TRAPPC3L: variants seen among roughly 807,000 people sequenced by gnomAD.
TRAPPC3L encodes trafficking protein particle complex subunit 3L.
In TRAPPC3L, 23 loss-of-function variants were observed where a neutral mutation model predicts 23.7. The ratio of observed to expected loss-of-function variants is 0.97; its 90% CI spans 0.70 to 1.37. The LOEUF (loss-of-function observed/expected upper bound fraction) is 1.37, where lower values mean the gene tolerates loss of function less well. TRAPPC3L is among the 40% of genes most tolerant of loss of function. The pLI, the probability that TRAPPC3L is intolerant of heterozygous loss-of-function variation, is 0.00. For missense variants in TRAPPC3L, 212 were observed against 216.8 expected, an observed-to-expected ratio of 0.98 and a Z score of 0.14; for synonymous variants, 81 against 77.9, an observed-to-expected ratio of 1.04 and a Z score of -0.21.
rs1773356170 is a variant in TRAPPC3L at position 116,540,282 on chromosome 6, C to T, written c.240+81G>A. On this transcript the variant is annotated intron_variant, in intron 3 of 4. Transcript: ENST00000368602. ...ACAATGAATGCAGATGGAACCTGTC[C>T]AATCTGAACAGAAAACCACCATACT... is the stretch of plus-strand genomic sequence containing the variant. 22 of 1,325,378 alleles carry T rather than the reference C, an allele frequency of 1.7e-5. 1 individual carries two copies. The South Asian group carries it at 2.4e-4, about 15-fold the overall frequency. 82.1% of individuals were successfully genotyped at this position (1,325,378 alleles called of 1,614,324 possible).
chr6:116,536,231 T>C (rs1318406342), intron 3 of TRAPPC3L, among the ~76,000 whole-genome samples: 1 of 152,236 alleles, frequency 6.6e-6, no homozygotes, highest in African/African-American at 2.4e-5. Flanking sequence ...ATAATTAACT[T>C]GGCATCTTTT....
chr6:116,500,801 T>C lies in TRAPPC3L; in HGVS notation c.241-135A>G, dbSNP rs951157445. On this transcript the variant is annotated intron_variant, in intron 3 of 4. Transcript: ENST00000368602. ...GAGTCTATAGTCAGGAAGTCCGGCTTCACCCTTAGCTTTGCAATTTATTGA... is the reference window on the plus strand; with the variant it reads ...GAGTCTATAGTCAGGAAGTCCGGCTCCACCCTTAGCTTTGCAATTTATTGA... The C allele has an allele frequency of 5.3e-6, 4 of 757,446 alleles. No homozygotes were observed. In the African/African-American group the frequency reaches 7.1e-5, roughly 13 times the overall value. 46.9% of individuals were successfully genotyped at this position (757,446 alleles called of 1,614,324 possible).
At chr6:116,514,938 A>T (rs1033574836) in intron 3 of TRAPPC3L, among the ~76,000 whole-genome samples, 1 of 152,264 alleles carries the variant, frequency 6.6e-6, no homozygotes, top group Admixed American at 6.5e-5. Flanking sequence ...AAGATAATTT[A>T]AGCTATTTAA....
intron 3 of TRAPPC3L, among the ~76,000 whole-genome samples, chr6:116,538,753 AC>A (rs1773250360): frequency 5.3e-5 from 8 of 150,986 alleles, no homozygotes; most frequent in Admixed American, 5.3e-4. Flanking sequence ...TTTTTTTGAA[AC>A]AGGGTCTTGC....
At chr6:116,521,155 A>G (rs1040585776) in intron 3 of TRAPPC3L, 1 of 151,986 alleles carries the variant, frequency 6.6e-6, no homozygotes, top group Admixed American at 6.6e-5. Context: ...TTCTTGTGGG[A>G]ATATATATTA....
chr6:116,543,836 A>G, intron 1 of TRAPPC3L: 1 of 1,534,420 alleles, frequency 6.5e-7, no homozygotes, highest in Non-Finnish European at 8.7e-7. Context: ...TCTGCCAAGG[A>G]GACCTTCAGG....
chr6:116,512,555 T>C (rs1023355015), intron 3 of TRAPPC3L, among the ~76,000 whole-genome samples: 3 of 152,188 alleles, frequency 2.0e-5, no homozygotes, highest in African/African-American at 4.8e-5. Flanking sequence ...AAATCATAAA[T>C]TGAGTGTTAA....
At chr6:116,509,037 A>C (rs888055449) in intron 3 of TRAPPC3L, among the ~76,000 whole-genome samples, 2 of 151,414 alleles carry the variant, frequency 1.3e-5, no homozygotes, top group African/African-American at 4.9e-5. Context: ...CTATACACCA[A>C]CAACAACCAA....
intron 3 of TRAPPC3L, among the ~76,000 whole-genome samples, chr6:116,531,852 T>G (rs756756941): frequency 6.3e-4 from 95 of 149,736 alleles, no homozygotes; most frequent in Non-Finnish European, 9.9e-4. Context: ...AATATACAAT[T>G]TAATATAATT....
At chr6:116,506,527 G>T (rs935053615) in intron 3 of TRAPPC3L, among the ~76,000 whole-genome samples, 3 of 152,092 alleles carry the variant, frequency 2.0e-5, no homozygotes, top group African/African-American at 4.8e-5. Flanking sequence ...TATATGCAAA[G>T]GATTATAAAT....
At chr6:116,512,246 G>C in intron 3 of TRAPPC3L, 1 of 1,581,962 alleles carries the variant, frequency 6.3e-7, no homozygotes, top group Admixed American at 1.7e-5. Flanking sequence ...GGTAAGAAAA[G>C]ACAAACTCGC....
At chr6:116,525,784 G>T (rs1244239308) in intron 3 of TRAPPC3L, among the ~76,000 whole-genome samples, 1 of 152,198 alleles carries the variant, frequency 6.6e-6, no homozygotes, top group African/African-American at 2.4e-5. Flanking sequence ...AGTACCTTAA[G>T]ATATATGCAT....
At chr6:116,517,388 C>CAT (rs1018052928) in intron 3 of TRAPPC3L, 1 of 152,044 alleles carries the variant, frequency 6.6e-6, no homozygotes, top group African/African-American at 2.4e-5. Flanking sequence ...TTAGTATGTA[C>CAT]ATATATATGT....
intron 3 of TRAPPC3L, 71 bp from the exon 4 acceptor site, chr6:116,500,737 C>T: frequency 1.5e-6 from 2 of 1,363,406 alleles, no homozygotes; most frequent in East Asian, 2.5e-5. Context: ...TAAACAAATA[C>T]CCAGTTCTAG....
intron 3 of TRAPPC3L, among the ~76,000 whole-genome samples, chr6:116,535,285 C>T (rs1418006409): frequency 6.6e-6 from 1 of 152,216 alleles, no homozygotes; most frequent in African/African-American, 2.4e-5. Context: ...TGCTTGGAGT[C>T]ACACAGTGGG....
At chr6:116,530,305 C>G (rs1459452129) in intron 3 of TRAPPC3L, among the ~76,000 whole-genome samples, 1 of 152,142 alleles carries the variant, frequency 6.6e-6, no homozygotes, top group Admixed American at 6.5e-5. Flanking sequence ...TTCATTTCAT[C>G]TGGGCACTTT....
chr6:116,537,568 C>T (rs1207140201), intron 3 of TRAPPC3L, among the ~76,000 whole-genome samples: 1 of 152,126 alleles, frequency 6.6e-6, no homozygotes, highest in African/African-American at 2.4e-5. Context: ...TCCTCTTCAA[C>T]CTTTTCTTTT....
intron 3 of TRAPPC3L, chr6:116,520,952 C>G (rs895976548): frequency 1.3e-5 from 2 of 151,422 alleles, no homozygotes; most frequent in Admixed American, 1.3e-4. Flanking sequence ...TCTAGCTAAG[C>G]AATTTTGGAG....
At chr6:116,500,920 T>G (rs1242122109) in intron 3 of TRAPPC3L, among the ~76,000 whole-genome samples, 1 of 152,202 alleles carries the variant, frequency 6.6e-6, no homozygotes, top group Non-Finnish European at 1.5e-5. Flanking sequence ...CCCAGTGAGA[T>G]CAATGGAGAA....
Sources: allele counts gnomAD v4.1 joint callset (sites outside exome capture counted in the v4.1 genomes callset), GRCh38; gene constraint gnomAD v4.1.1; transcripts MANE v1.5; gene names NCBI Gene and HGNC (gene_info 2026-07-23, HGNC 2026-07-21).